CAPN10: variants seen among roughly 807,000 people sequenced by gnomAD.
CAPN10 encodes the protein calpain-10.
A neutral mutation model predicts 78.4 loss-of-function variants in CAPN10; 71 were observed. The observed-to-expected ratio is 0.91, with a 90% CI of 0.75 to 1.10. The LOEUF (loss-of-function observed/expected upper bound fraction) is 1.10. Among genes scored for constraint, CAPN10 ranks in the 50% least tolerant of loss-of-function variants. CAPN10 has a pLI of 0.00. For missense variants in CAPN10, 849 were observed against 924.6 expected, an observed-to-expected ratio of 0.92 and a Z score of 1.06; for synonymous variants, 437 against 407.2, an observed-to-expected ratio of 1.07 and a Z score of -0.88.
chr2:240,595,003 T>G, intron 6 of CAPN10, 21 bp from the exon 7 acceptor site: 12 of 1,611,478 alleles, frequency 7.4e-6, no homozygotes, highest in Non-Finnish European at 9.3e-6. Flanking sequence ...CCACAGCTGA[T>G]GCCTGGTGTT....
At chr2:240,597,213 G>A (rs1192463344) in intron 9 of CAPN10, among the ~76,000 whole-genome samples, 1 of 152,236 alleles carries the variant, frequency 6.6e-6, no homozygotes, top group East Asian at 1.9e-4. Context: ...GTGGTGAGTG[G>A]GGAGGAAGGG....
At position 240,596,682 on chromosome 2, in the gene CAPN10, G is replaced by C; in HGVS notation, c.1483G>C (p.Ala495Pro). The part of the protein sequence containing the change: ...VFSTGRVSLS[A>P]IRAVAKNTTP... ...CTCCCATGTTTGTCTTCTTGGCAGC[G>C]CCATCAGGGCAGTGGCCAAGAACAC... The change falls in exon 9 of 12, where the codon GCC becomes CCC. Residue 495 changes from alanine to proline, a missense_variant and splice_region_variant. By Grantham distance (27) the Ala-to-Pro change is conservative. Transcript: ENST00000391984. 1 of 1,538,650 alleles carries C rather than the reference G, an allele frequency of 6.5e-7. No homozygotes were observed. The highest frequency in any genetic ancestry group is 8.8e-7 in the Non-Finnish European group (1 of 1,142,678).
chr2:240,594,968 C>A, intron 6 of CAPN10, 56 bp from the exon 7 acceptor site: 1 of 1,579,388 alleles, frequency 6.3e-7, no homozygotes. Flanking sequence ...GCCACCATGG[C>A]GGGAGGCCAG....
At position 240,590,943 on chromosome 2, in the gene CAPN10, ACTCTGTTTCTCCCG is replaced by A; in HGVS notation, c.405_418del (p.Cys136ProfsTer139). On this transcript the variant is annotated frameshift_variant, in exon 3 of 12. Transcript: ENST00000391984. LOFTEE classifies it high-confidence loss of function. ...ACCGCCTGCCGTGCCTTGCAGGGAG[ACTCTGTTTCTCCCG>A]CTGCCAGAGGGAGGATGTGTTCTGG... is the stretch of plus-strand genomic sequence containing the variant. 2 of 1,613,784 alleles carry A rather than the reference ACTCTGTTTCTCCCG, an allele frequency of 1.2e-6. No individual in the cohort carries two copies. Among genetic ancestry groups the A allele is most frequent in the Non-Finnish European group, 1.7e-6 (2 of 1,179,958 alleles).
intron 7 of CAPN10, chr2:240,595,895 C>G (rs537236425): frequency 4.4e-5 from 57 of 1,296,592 alleles, no homozygotes; most frequent in Non-Finnish European, 5.4e-5. Flanking sequence ...GCCGGCTGCT[C>G]GCTCAGGGGC....
At chr2:240,596,234 C>T (rs1055475743) in intron 7 of CAPN10, 85 bp from the exon 8 acceptor site, 1 of 1,498,428 alleles carries the variant, frequency 6.7e-7, no homozygotes, top group Non-Finnish European at 8.9e-7. Flanking sequence ...CTCCAGAGGC[C>T]CTTGTGCTTG....
chr2:240,590,566 G>A (rs1305200509), intron 2 of CAPN10: 8 of 481,348 alleles, frequency 1.7e-5, no homozygotes, highest in South Asian at 2.9e-5. Context: ...CAGGTGTGCC[G>A]AAGAGTTCTC....
rs1321904851 is a variant in CAPN10 at position 240,589,815 on chromosome 2, T to G, written c.273+341T>G. 5 of 246,186 alleles carry G rather than the reference T, an allele frequency of 2.0e-5. 1 individual carries two copies. Among genetic ancestry groups the G allele is most frequent in the Non-Finnish European group, 3.9e-5 (5 of 127,508 alleles). 15.3% of individuals were successfully genotyped at this position (246,186 alleles called of 1,614,324 possible). A position where few individuals can be genotyped will look rare whatever the true frequency, so the allele number is the denominator to read the frequency against. ...AGGAGGACGGGGCTGGCTGGCAGCC[T>G]CTGCCTCAGATCTCTCCTCAGCTAG... On this transcript the variant is annotated intron_variant, in intron 2 of 11. Coordinates refer to ENST00000391984, the MANE Select transcript of CAPN10 (RefSeq NM_023083.4).
chr2:240,595,766 G>T (rs187379720), intron 7 of CAPN10, among the ~76,000 whole-genome samples: 2 of 152,370 alleles, frequency 1.3e-5, no homozygotes, highest in East Asian at 3.9e-4. Flanking sequence ...GATCTCATGG[G>T]ATTGCTCTGA....
Position 240,595,027 on chromosome 2 carries a change from G to A in CAPN10, c.1001G>A (p.Arg334Lys). The change falls in exon 7 of 12, where the codon AGG becomes AAG. Residue 334 changes from arginine (R) to lysine (K), a missense_variant. Physicochemically the swap from Arg to Lys is conservative, Grantham distance 26 (BLOSUM62 2). Transcript: ENST00000391984. Reference protein sequence around the residue: ...AGHLQSLYTERLLCHTRALPG... With the variant: ...AGHLQSLYTEKLLCHTRALPG... ...ATGCCTGGTGTTTTCTCACTAGAGA[G>A]GCTGCTCTGCCATACGCGGGCGCTG... The A allele has an allele frequency of 1.2e-6, 2 of 1,612,896 alleles. No homozygotes were observed. Among genetic ancestry groups the A allele is most frequent in the Non-Finnish European group, 1.7e-6 (2 of 1,179,962 alleles).
rs772344917 is a variant in CAPN10, at chr2:240,591,882, G to A, written c.471-51G>A. ...CTACAGACCATGGGAATCAGAGAGG[G>A]GGCCATGCTCAATGCCAGAGGCTCA... On this transcript the variant is annotated intron_variant, in intron 3 of 11. Coordinates refer to ENST00000391984, the MANE Select transcript of CAPN10 (RefSeq NM_023083.4). 33 of 1,511,314 alleles carry A rather than the reference G, an allele frequency of 2.2e-5. 2 individuals are homozygous for A. The South Asian group carries it at 3.7e-4, about 17-fold the overall frequency. The allele number at this position is 1,511,314 out of a possible 1,614,324, so 93.6% of individuals were successfully genotyped here.
At chr2:240,597,835 G>A in intron 9 of CAPN10, 53 bp from the exon 10 acceptor site, 2 of 1,495,744 alleles carry the variant, frequency 1.3e-6, no homozygotes, top group Admixed American at 4.0e-5. Context: ...GCCCTGGGCT[G>A]GGCTCCCTAC....
At chr2:240,595,416 C>T (rs1288419595) in intron 7 of CAPN10, 112 bp downstream of exon 7, 1 of 1,165,724 alleles carries the variant, frequency 8.6e-7, no homozygotes, top group Non-Finnish European at 1.2e-6. Flanking sequence ...TGCCACGGGC[C>T]CCACCAGTCT....
rs1003550732 is a variant in CAPN10, at chr2:240,599,075, A to T, written c.*395A>T. 1 of 245,360 alleles carries T rather than the reference A, an allele frequency of 4.1e-6. No individual in the cohort carries two copies. The highest frequency in any genetic ancestry group is 8.0e-6 in the Non-Finnish European group (1 of 125,708). 15.2% of individuals were successfully genotyped at this position (245,360 alleles called of 1,614,324 possible). A position where few individuals can be genotyped will look rare whatever the true frequency, so the allele number is the denominator to read the frequency against. ...CGAATCACTTTTAGGATGTAACTTT[A>T]TAAATAAACATGAGCGCTGATGATT... is the stretch of plus-strand genomic sequence containing the variant. On this transcript the variant is annotated 3_prime_UTR_variant, in exon 12 of 12. Transcript: ENST00000391984.
rs941090904 is a variant in CAPN10 at position 240,594,409 on chromosome 2, C to T, written c.831-134C>T. The T allele has an allele frequency of 2.1e-5, 18 of 866,386 alleles. No homozygotes were observed. In the African/African-American group the frequency reaches 2.9e-4, roughly 14 times the overall value. The allele number at this position is 866,386 out of a possible 1,614,324, so 53.7% of individuals were successfully genotyped here. ...GCTGCTTCGGGTGTGGGAGGGGCTGCAGAGCTGGGGCACGGGGTTGCTGGC... is the reference window on the plus strand; with the variant it reads ...GCTGCTTCGGGTGTGGGAGGGGCTGTAGAGCTGGGGCACGGGGTTGCTGGC... On this transcript the variant is annotated intron_variant, in intron 5 of 11. Transcript: ENST00000391984.
intron 1 of CAPN10, among the ~76,000 whole-genome samples, chr2:240,588,947 G>A (rs953820908): frequency 6.6e-6 from 1 of 151,176 alleles, no homozygotes; most frequent in African/African-American, 2.4e-5. Flanking sequence ...CGGGGAGAAA[G>A]GGGAAGGTAT....
Position 240,593,981 on chromosome 2 carries a change from G to A in CAPN10, c.764G>A (p.Cys255Tyr). Reference protein sequence around the residue: ...LRELQGQAGQCILLLRIQNPW... With the variant: ...LRELQGQAGQYILLLRIQNPW... Reference sequence around the variant, plus strand: ...GAGCTCCAGGGTCAGGCGGGCCAGTGCATCCTGCTGCTGCGGATCCAGAAC... The same window carrying A: ...GAGCTCCAGGGTCAGGCGGGCCAGTACATCCTGCTGCTGCGGATCCAGAAC... Residue 255 changes from cysteine (C) to tyrosine (Y), a missense_variant, in exon 5 of 12, where the codon TGC (cysteine) becomes TAC (tyrosine). Cys to Tyr is a radical substitution (Grantham distance 194, BLOSUM62 -2). Coordinates refer to ENST00000391984, the MANE Select transcript of CAPN10 (RefSeq NM_023083.4). The A allele has an allele frequency of 6.2e-7, 1 of 1,611,484 alleles. No homozygotes were observed. Among genetic ancestry groups the A allele is most frequent in the Non-Finnish European group, 8.5e-7 (1 of 1,178,458 alleles).
intron 3 of CAPN10, 87 bp from the exon 4 acceptor site, chr2:240,591,846 G>A (rs1309923484): frequency 9.8e-6 from 12 of 1,223,944 alleles, no homozygotes; most frequent in Admixed American, 2.1e-5. Context: ...GCGGTTGGAC[G>A]ATTTGGGGTG....
chr2:240,594,067 C>A lies in CAPN10; in HGVS notation c.830+20C>A. On this transcript the variant is annotated intron_variant, in intron 5 of 11. Transcript: ENST00000391984. ...AGAGGGGTGAGTGCTGGGGCCTGGA[C>A]CATGCTGCTGTCGGGAGGGGGGCCC... The A allele has an allele frequency of 6.4e-7, 1 of 1,563,624 alleles. No individual in the cohort carries two copies. Among genetic ancestry groups the A allele is most frequent in the Admixed American group, 1.8e-5 (1 of 56,686 alleles).
Sources: gnomAD v4.1 joint callset for allele counts (sites outside exome capture counted in the v4.1 genomes callset) on GRCh38, gnomAD v4.1.1 for gene constraint, MANE v1.5 for transcripts, NCBI Gene and HGNC (gene_info 2026-07-23, HGNC 2026-07-21) for gene names.